The following ARSB variants were observed in gnomAD, a reference collection of about 807,000 sequenced individuals.
The protein encoded by ARSB is N-acetylgalactosamine-4-sulfatase.
ARSB carries 41 observed loss-of-function variants against 50.9 expected under a neutral mutation model. The ratio of observed to expected loss-of-function variants is 0.81; its 90% CI spans 0.63 to 1.04. The LOEUF (loss-of-function observed/expected upper bound fraction) is 1.04, where lower values mean the gene tolerates loss of function less well. Among genes scored for constraint, ARSB ranks in the 50% least tolerant of loss-of-function variants. The pLI is 0.00. For missense variants in ARSB, 672 were observed against 693.3 expected, an observed-to-expected ratio of 0.97 and a Z score of 0.35; for synonymous variants, 269 against 284.8, an observed-to-expected ratio of 0.94 and a Z score of 0.56.
Position 78,984,994 on chromosome 5 carries a change from G to A in ARSB, c.255C>T (p.Tyr85=), listed in dbSNP as rs780507196. The A allele has an allele frequency of 1.3e-6, 2 of 1,536,346 alleles. No homozygotes were observed. The highest frequency in any genetic ancestry group is 1.2e-5 in the South Asian group (1 of 82,678). The change falls in exon 1 of 8, where the codon TAC becomes TAT. Residue 85 remains tyrosine (Y), a synonymous_variant. Coordinates refer to ENST00000264914, the MANE Select transcript of ARSB (RefSeq NM_000046.5). ...LAAGGVLLDN[Y]YTQPLCTPSR... The stretch of plus-strand genomic sequence containing the variant: ...ACGGCGTGCACAGCGGCTGCGTGTA[G>A]TAGTTGTCCAGGAGCACCCCGCCGG...
At chr5:78,840,884 G>C (rs1745169278) in intron 5 of ARSB, among the ~76,000 whole-genome samples, 1 of 152,088 alleles carries the variant, frequency 6.6e-6, no homozygotes, top group South Asian at 2.1e-4. Context: ...CAAAATGCCA[G>C]GAACTACGGT....
chr5:78,824,592 C>T (rs922695648), intron 6 of ARSB, among the ~76,000 whole-genome samples: 2 of 152,094 alleles, frequency 1.3e-5, no homozygotes, highest in African/African-American at 2.4e-5. Context: ...GTGTGGAATG[C>T]CAATGTTTTC....
chr5:78,810,348 G>A (rs2112658398), intron 6 of ARSB, among the ~76,000 whole-genome samples: 1 of 152,302 alleles, frequency 6.6e-6, no homozygotes, highest in Non-Finnish European at 1.5e-5. Flanking sequence ...GTTGTGAAAT[G>A]ACAGGTAAAA....
chr5:78,965,795 T>A (rs1452196647), intron 2 of ARSB, among the ~76,000 whole-genome samples: 1 of 152,218 alleles, frequency 6.6e-6, no homozygotes, highest in Non-Finnish European at 1.5e-5. Context: ...ACATAGTTTA[T>A]ATAATAAATC....
intron 3 of ARSB, among the ~76,000 whole-genome samples, chr5:78,955,710 CAAAATGGGCA>C (rs1243154928): frequency 6.6e-6 from 1 of 152,152 alleles, no homozygotes; most frequent in African/African-American, 2.4e-5. Flanking sequence ...AACTCAACTA[CAAAATGGGCA>C]AAGAATCTGA....
At chr5:78,951,717 C>T (rs911697117) in intron 4 of ARSB, among the ~76,000 whole-genome samples, 2 of 152,116 alleles carry the variant, frequency 1.3e-5, no homozygotes, top group African/African-American at 4.8e-5. Flanking sequence ...ATTTTAAAGA[C>T]ACACACCTAG....
At chr5:78,830,106 A>G (rs1035919642) in intron 6 of ARSB, among the ~76,000 whole-genome samples, 6 of 152,222 alleles carry the variant, frequency 3.9e-5, no homozygotes, top group Non-Finnish European at 7.3e-5. Flanking sequence ...ACCTTTAATC[A>G]ACTATAATTA....
In ARSB at chr5:78,837,712, G is replaced by A. The variant is rs1001545939; in HGVS notation, c.1213+1644C>T. ...TATTGTATGCATATAATACATAGGTGTACTAAGTCTTGAAAATCGGATGTA... is the reference window on the plus strand; with the variant it reads ...TATTGTATGCATATAATACATAGGTATACTAAGTCTTGAAAATCGGATGTA... On this transcript the variant is annotated intron_variant, in intron 6 of 7. Coordinates refer to ENST00000264914, the MANE Select transcript of ARSB (RefSeq NM_000046.5). Among the ~76,000 whole-genome samples, 4 of 152,098 alleles carry A rather than the reference G, an allele frequency of 2.6e-5. No homozygotes were observed. In the South Asian group the frequency reaches 8.3e-4, roughly 32 times the overall value.
chr5:78,965,018 T>C (rs1308153266), intron 2 of ARSB, among the ~76,000 whole-genome samples: 2 of 152,220 alleles, frequency 1.3e-5, no homozygotes, highest in African/African-American at 4.8e-5. Flanking sequence ...ATGTTTGTTG[T>C]TACTGATGTT....
intron 3 of ARSB, among the ~76,000 whole-genome samples, chr5:78,960,408 C>T (rs1377892153): frequency 1.3e-5 from 2 of 152,032 alleles, no homozygotes; most frequent in South Asian, 2.1e-4. Context: ...AATTGTTTTT[C>T]TTTGACTTCT....
chr5:78,929,923 GT>G (rs1750240855), intron 4 of ARSB, among the ~76,000 whole-genome samples: 2 of 152,106 alleles, frequency 1.3e-5, no homozygotes, highest in South Asian at 4.1e-4. Context: ...ACTAATTTCT[GT>G]TACCAAAAAG....
chr5:78,871,547 G>T (rs1408396380), intron 5 of ARSB, among the ~76,000 whole-genome samples: 5 of 149,522 alleles, frequency 3.3e-5, no homozygotes, highest in Non-Finnish European at 7.5e-5. Flanking sequence ...ACAAACCTGA[G>T]AAAAACAAGC....
intron 6 of ARSB, among the ~76,000 whole-genome samples, chr5:78,828,577 T>C (rs1029175125): frequency 1.3e-5 from 2 of 152,240 alleles, no homozygotes; most frequent in African/African-American, 4.8e-5. Flanking sequence ...ATCTGACAAT[T>C]AAGTACAACT....
chr5:78,891,443 A>G (rs1231215874), intron 4 of ARSB, among the ~76,000 whole-genome samples: 3 of 152,216 alleles, frequency 2.0e-5, no homozygotes, highest in Non-Finnish European at 4.4e-5. Flanking sequence ...GCCTGGAAGA[A>G]AGAACTCACT....
chr5:78,935,870 A>G (rs948531930), intron 4 of ARSB, among the ~76,000 whole-genome samples: 23 of 151,460 alleles, frequency 1.5e-4, no homozygotes, highest in African/African-American at 5.6e-4. Context: ...CCTCCTGAGT[A>G]TTTACAAAAG....
At chr5:78,955,873 T>C (rs1751700552) in intron 3 of ARSB, among the ~76,000 whole-genome samples, 1 of 152,156 alleles carries the variant, frequency 6.6e-6, no homozygotes, top group African/African-American at 2.4e-5. Context: ...AATTTAAAAA[T>C]GGAAAAGAAC....
rs570121040 is a variant in ARSB at position 78,807,451 on chromosome 5, C to A, written c.1214-25477G>T. The stretch of plus-strand genomic sequence containing the variant: ...TCTTCTACAACCTCAGGAAAGCATA[C>A]TCCTCATTGGAGGGAGGCAAGTGAT... On this transcript the variant is annotated intron_variant, in intron 6 of 7. Coordinates refer to ENST00000264914, the MANE Select transcript of ARSB (RefSeq NM_000046.5). 5.9e-5 allele frequency among the ~76,000 whole-genome samples: 9 copies of A among 152,316 alleles called. No individual in the cohort carries two copies. The East Asian group carries it at 1.2e-3, about 20-fold the overall frequency.
chr5:78,958,689 T>C (rs1403934229), intron 3 of ARSB, among the ~76,000 whole-genome samples: 1 of 152,180 alleles, frequency 6.6e-6, no homozygotes, highest in African/African-American at 2.4e-5. Context: ...TTTCTTAGAT[T>C]ATAGAGTAAC....
At position 78,780,203 on chromosome 5, in the gene ARSB, C is replaced by G. The variant is rs1335601010; in HGVS notation, c.*194G>C. ...CCCCACCTCTAGACACATGCTCCAG[C>G]CAACAGCAGGAGTGTTGCAGATTTT... On this transcript the variant is annotated 3_prime_UTR_variant, in exon 8 of 8. Coordinates refer to ENST00000264914, the MANE Select transcript of ARSB (RefSeq NM_000046.5). The G allele has an allele frequency of 1.4e-6, 1 of 699,474 alleles. No homozygotes were observed. The highest frequency in any genetic ancestry group is 2.4e-6 in the Non-Finnish European group (1 of 419,830). The allele number at this position is 699,474 out of a possible 1,614,324, so 43.3% of individuals were successfully genotyped here. A position where few individuals can be genotyped will look rare whatever the true frequency, so the allele number is the denominator to read the frequency against.
Sources: allele counts gnomAD v4.1 joint callset (sites outside exome capture counted in the v4.1 genomes callset), GRCh38; gene constraint gnomAD v4.1.1; transcripts MANE v1.5; gene names NCBI Gene and HGNC (gene_info 2026-07-23, HGNC 2026-07-21).